RAD18: variants seen among roughly 807,000 people sequenced by gnomAD.
RAD18 encodes E3 ubiquitin-protein ligase RAD18.
In RAD18, 47 loss-of-function variants were observed where a neutral mutation model predicts 60.4. That is an observed-to-expected ratio of 0.78 (90% CI 0.62 to 0.99). RAD18 has a LOEUF of 0.99. RAD18 is among the 50% of genes least tolerant of loss of function. The pLI, the probability that RAD18 is intolerant of heterozygous loss-of-function variation, is 0.00. For synonymous variants in RAD18, 225 were observed against 195.5 expected (o/e 1.15, Z -1.26); for missense variants, 640 against 593.3 (o/e 1.08, Z -0.82).
intron 4 of RAD18, 26 bp from the exon 5 acceptor site, chr3:8,941,830 C>T: frequency 1.3e-6 from 2 of 1,539,706 alleles, no homozygotes; most frequent in East Asian, 2.3e-5. Flanking sequence ...ACACAACAGA[C>T]AATTAAGAGA....
intron 11 of RAD18, among the ~76,000 whole-genome samples, chr3:8,898,020 C>T (rs1323342081): frequency 4.0e-5 from 6 of 151,718 alleles, no homozygotes; most frequent in African/African-American, 1.5e-4. Context: ...TGCAGTGAGC[C>T]GAAATCGCAC....
chr3:8,953,175 A>G (rs967256736), intron 2 of RAD18, among the ~76,000 whole-genome samples: 15 of 150,652 alleles, frequency 1.0e-4, no homozygotes, highest in African/African-American at 2.4e-5. Context: ...AATATGTACT[A>G]TGTATAGTTA....
intron 2 of RAD18, among the ~76,000 whole-genome samples, chr3:8,954,998 T>C (rs1940985044): frequency 6.6e-6 from 1 of 152,212 alleles, no homozygotes; most frequent in African/African-American, 2.4e-5. Flanking sequence ...TTCCCTCCAC[T>C]GACTTCCTCT....
intron 9 of RAD18, among the ~76,000 whole-genome samples, chr3:8,903,274 G>C (rs912729820): frequency 1.3e-5 from 2 of 152,070 alleles, no homozygotes; most frequent in African/African-American, 4.8e-5. Flanking sequence ...ATAATCATAA[G>C]AGCATGAAAG....
Position 8,898,838 on chromosome 3 carries a change from C to A in RAD18, c.1322+56G>T, listed in dbSNP as rs561220653. The A allele has an allele frequency of 5.8e-6, 8 of 1,387,554 alleles. No homozygotes were observed. The South Asian group carries it at 1.2e-4, about 20-fold the overall frequency. The allele number at this position is 1,387,554 out of a possible 1,614,324, so 86.0% of individuals were successfully genotyped here. A position where few individuals can be genotyped will look rare whatever the true frequency, so the allele number is the denominator to read the frequency against. On this transcript the variant is annotated intron_variant, in intron 11 of 12. Transcript: ENST00000264926. ...ATTCTAATTATTTCTGCCTATCTAT[C>A]TACATGTGCATATGAAGTAGATATT...
chr3:8,884,763 C>A, intron 12 of RAD18, among the ~76,000 whole-genome samples: 1 of 152,278 alleles, frequency 6.6e-6, no homozygotes, highest in South Asian at 2.1e-4. Flanking sequence ...AGGATCTCAG[C>A]GGTTCTCCCA....
At chr3:8,961,572 C>G (rs1317985391) in intron 1 of RAD18, among the ~76,000 whole-genome samples, 1 of 152,210 alleles carries the variant, frequency 6.6e-6, no homozygotes, top group East Asian at 1.9e-4. Context: ...TCAGTCAGAT[C>G]TGCTTCTGGG....
intron 8 of RAD18, among the ~76,000 whole-genome samples, chr3:8,913,363 G>C (rs755249152): frequency 2.0e-5 from 3 of 152,120 alleles, no homozygotes; most frequent in Non-Finnish European, 2.9e-5. Context: ...AACACAACCA[G>C]CAGAGAAAGG....
At chr3:8,921,573 G>A (rs1038576990) in intron 7 of RAD18, among the ~76,000 whole-genome samples, 9 of 152,068 alleles carry the variant, frequency 5.9e-5, no homozygotes, top group Non-Finnish European at 1.0e-4. Flanking sequence ...CCTGGAGTCC[G>A]AGGCTGCGGT....
chr3:8,930,951 G>C (rs1035384002), intron 7 of RAD18, among the ~76,000 whole-genome samples: 1 of 152,072 alleles, frequency 6.6e-6, no homozygotes, highest in Non-Finnish European at 1.5e-5. Flanking sequence ...AAAGATTGGA[G>C]AAAGGAAAGG....
intron 9 of RAD18, among the ~76,000 whole-genome samples, chr3:8,910,565 G>A (rs547380209): frequency 6.6e-5 from 10 of 150,750 alleles, no homozygotes; most frequent in East Asian, 5.9e-4. Flanking sequence ...CCAAGATAGC[G>A]CCACTGCACT....
Position 8,878,819 on chromosome 3 carries a change from G to A in RAD18, c.*2538C>T, listed in dbSNP as rs574311563. On this transcript the variant is annotated 3_prime_UTR_variant, in exon 13 of 13. Coordinates refer to ENST00000264926, the MANE Select transcript of RAD18 (RefSeq NM_020165.4). ...AGCATCACTGCCATTCTGAGCTGATGTTGATGGGAGATGTTATAACTTTGA... is the reference window on the plus strand; with the variant it reads ...AGCATCACTGCCATTCTGAGCTGATATTGATGGGAGATGTTATAACTTTGA... 1 of 152,336 alleles carries A rather than the reference G, an allele frequency of 6.6e-6. No individual in the cohort carries two copies. The highest frequency in any genetic ancestry group is 1.9e-4 in the East Asian group (1 of 5,184). 9.4% of individuals were successfully genotyped at this position (152,336 alleles called of 1,614,324 possible). A position where few individuals can be genotyped will look rare whatever the true frequency, so the allele number is the denominator to read the frequency against.
chr3:8,890,620 A>G (rs1939667921), intron 11 of RAD18, among the ~76,000 whole-genome samples, 169 bp from the exon 12 acceptor site: 1 of 152,198 alleles, frequency 6.6e-6, no homozygotes, highest in Non-Finnish European at 1.5e-5. Context: ...AGAGAGAGCC[A>G]AATGTAGTTT....
intron 9 of RAD18, among the ~76,000 whole-genome samples, chr3:8,908,707 G>A (rs940221699): frequency 3.3e-5 from 5 of 152,130 alleles, no homozygotes; most frequent in Admixed American, 6.5e-5. Context: ...CACATAATTA[G>A]AAATTAATTA....
chr3:8,932,597 T>C (rs1940578917), intron 7 of RAD18, among the ~76,000 whole-genome samples: 1 of 152,202 alleles, frequency 6.6e-6, no homozygotes, highest in African/African-American at 2.4e-5. Flanking sequence ...TGGCAGGTTC[T>C]TATAGTTACA....
chr3:8,878,363 C>T lies in RAD18; in HGVS notation c.*2994G>A, dbSNP rs1037867931. ...AGGATGTCTAAAAACAGACTAAAAA[C>T]CAAAAAAAAATTACTGAAATGGTAA... On this transcript the variant is annotated 3_prime_UTR_variant, in exon 13 of 13. Transcript: ENST00000264926. The T allele has an allele frequency of 2.0e-5, 3 of 151,364 alleles. No individual in the cohort carries two copies. Among genetic ancestry groups the T allele is most frequent in the African/African-American group, 7.3e-5 (3 of 41,198 alleles). The allele number at this position is 151,364 out of a possible 1,614,324, so 9.4% of individuals were successfully genotyped here.
chr3:8,939,550 T>C lies in RAD18; in HGVS notation c.704+4A>G. On this transcript the variant is annotated splice_donor_region_variant and intron_variant, in intron 6 of 12. Coordinates refer to ENST00000264926, the MANE Select transcript of RAD18 (RefSeq NM_020165.4). Reference sequence around the variant, plus strand: ...AGCTCAATGGTTCTGCTCAACTTCCTTACCTTCTGAGGCTTTCCTTCTTCT... The same window carrying C: ...AGCTCAATGGTTCTGCTCAACTTCCCTACCTTCTGAGGCTTTCCTTCTTCT... 6.2e-7 allele frequency: 1 copy of C among 1,608,320 alleles called. No homozygotes were observed. The highest frequency in any genetic ancestry group is 8.5e-7 in the Non-Finnish European group (1 of 1,175,656).
chr3:8,933,231 G>A (rs913108913), intron 7 of RAD18, among the ~76,000 whole-genome samples: 3 of 152,128 alleles, frequency 2.0e-5, no homozygotes, highest in Non-Finnish European at 4.4e-5. Context: ...TACAATTTGT[G>A]TAATTCCACT....
intron 4 of RAD18, chr3:8,946,973 G>A (rs1940849226): frequency 5.6e-6 from 2 of 354,552 alleles, no homozygotes; most frequent in South Asian, 1.2e-4. Context: ...GCACCCAAAA[G>A]TAAGGAAGTC....
Sources: gnomAD v4.1 joint callset for allele counts (sites outside exome capture counted in the v4.1 genomes callset) on GRCh38, gnomAD v4.1.1 for gene constraint, MANE v1.5 for transcripts, NCBI Gene and HGNC (gene_info 2026-07-23, HGNC 2026-07-21) for gene names.